The following MEGF10 variants were observed in gnomAD, a reference collection of about 807,000 sequenced individuals.
MEGF10 encodes the protein multiple EGF like domains 10, also known as multiple epidermal growth factor-like domains protein 10.
In MEGF10, 86 loss-of-function variants were observed where a neutral mutation model predicts 147.5. The ratio of observed to expected loss-of-function variants is 0.58; its 90% CI spans 0.49 to 0.70. The LOEUF (loss-of-function observed/expected upper bound fraction) is 0.70, where lower values mean the gene tolerates loss of function less well. Among genes scored for constraint, MEGF10 ranks in the 30% least tolerant of loss-of-function variants. MEGF10 has a pLI of 0.00. For synonymous variants in MEGF10, 478 were observed against 525.5 expected, an observed-to-expected ratio of 0.91 and a Z score of 1.24; for missense variants, 1,329 against 1,487.3, an observed-to-expected ratio of 0.89 and a Z score of 1.75.
chr5:127,256,034 A>G, the MEGF10 span, among the ~76,000 whole-genome samples: 1 of 152,134 alleles, frequency 6.6e-6, no homozygotes, highest in Non-Finnish European at 1.5e-5. Context: ...CCCCAGCTCA[A>G]ACCAACCACT....
chr5:127,379,914 T>G (rs1324123458), intron 5 of MEGF10, among the ~76,000 whole-genome samples: 1 of 152,180 alleles, frequency 6.6e-6, no homozygotes, highest in Non-Finnish European at 1.5e-5. Flanking sequence ...CACGGCTGGC[T>G]TCTGTAGGTC....
chr5:127,369,814 T>A lies in MEGF10; in HGVS notation c.320-96T>A, dbSNP rs568740995. The A allele has an allele frequency of 5.8e-4, 530 of 911,456 alleles. 2 individuals carry two copies. The African/African-American group carries it at 7.8e-3, about 13-fold the overall frequency. The allele number at this position is 911,456 out of a possible 1,614,324, so 56.5% of individuals were successfully genotyped here. ...AATTATCAAGCATGCATGTTGTTTT[T>A]AAGTGATACTTGAGACTTGGATGTG... On this transcript the variant is annotated intron_variant, in intron 4 of 24. Transcript: ENST00000503335.
intron 1 of MEGF10, among the ~76,000 whole-genome samples, chr5:127,298,453 G>A (rs958637921): frequency 2.0e-4 from 31 of 152,200 alleles, no homozygotes; most frequent in Admixed American, 1.4e-3. Context: ...CCATGAGTGA[G>A]GTTAGAAATG....
Position 127,369,823 on chromosome 5 carries a change from C to T in MEGF10, c.320-87C>T, listed in dbSNP as rs1444507867. 3.0e-6 allele frequency: 3 copies of T among 1,015,062 alleles called. No individual in the cohort carries two copies. In the East Asian group the frequency reaches 7.4e-5, roughly 25 times the overall value. The allele number at this position is 1,015,062 out of a possible 1,614,324, so 62.9% of individuals were successfully genotyped here. On this transcript the variant is annotated intron_variant, in intron 4 of 24. Transcript: ENST00000503335. ...GCATGCATGTTGTTTTTAAGTGATA[C>T]TTGAGACTTGGATGTGCAACAGCTG...
At chr5:127,448,407 A>G (rs1397602439) in intron 21 of MEGF10, among the ~76,000 whole-genome samples, 1 of 152,178 alleles carries the variant, frequency 6.6e-6, no homozygotes, top group Non-Finnish European at 1.5e-5. Context: ...TGCTACTCCA[A>G]TAGCACCCAA....
the MEGF10 span, among the ~76,000 whole-genome samples, chr5:127,250,976 C>A: frequency 6.6e-6 from 1 of 151,982 alleles, no homozygotes; most frequent in East Asian, 1.9e-4. Context: ...AGAAAAAAAT[C>A]CAATAATGCA....
chr5:127,439,532 A>T (rs1765680568), intron 17 of MEGF10, among the ~76,000 whole-genome samples: 1 of 152,242 alleles, frequency 6.6e-6, no homozygotes, highest in Non-Finnish European at 1.5e-5. Flanking sequence ...TTGGCAAGGA[A>T]GGTAGCTGGC....
chr5:127,258,733 G>A, the MEGF10 span, among the ~76,000 whole-genome samples: 1 of 152,072 alleles, frequency 6.6e-6, no homozygotes, highest in Non-Finnish European at 1.5e-5. Flanking sequence ...GCTCTCTCTT[G>A]CTCTCTCCTG....
chr5:127,354,307 T>C (rs976351281), intron 4 of MEGF10, among the ~76,000 whole-genome samples: 1 of 152,330 alleles, frequency 6.6e-6, no homozygotes, highest in African/African-American at 2.4e-5. Context: ...GAGGCAGATA[T>C]GCTACACAGG....
chr5:127,457,991 G>A lies in MEGF10; in HGVS notation c.*673G>A, dbSNP rs1364929104. 6.6e-6 allele frequency: 1 copy of A among 152,182 alleles called. No individual in the cohort carries two copies. The highest frequency in any genetic ancestry group is 1.9e-4 in the East Asian group (1 of 5,206). The allele number at this position is 152,182 out of a possible 1,614,324, so 9.4% of individuals were successfully genotyped here. Reference sequence around the variant, plus strand: ...TATTTTAGAAATAGTAGGAAGTATTGCAGAAGTCAATACACAAATGTGCCA... The same window carrying A: ...TATTTTAGAAATAGTAGGAAGTATTACAGAAGTCAATACACAAATGTGCCA... On this transcript the variant is annotated 3_prime_UTR_variant, in exon 25 of 25. Coordinates refer to ENST00000503335, the MANE Select transcript of MEGF10 (RefSeq NM_001256545.2).
At chr5:127,431,340 A>G (rs1765381476) in intron 13 of MEGF10, among the ~76,000 whole-genome samples, 1 of 152,196 alleles carries the variant, frequency 6.6e-6, no homozygotes, top group East Asian at 1.9e-4. Context: ...ATGATATAAA[A>G]AAGCAGCAAA....
intron 4 of MEGF10, among the ~76,000 whole-genome samples, chr5:127,354,189 T>C (rs1037341168): frequency 3.3e-5 from 5 of 152,168 alleles, no homozygotes; most frequent in Non-Finnish European, 5.9e-5. Context: ...AACTTTACTC[T>C]TGTTTGAATG....
intron 1 of MEGF10, among the ~76,000 whole-genome samples, chr5:127,294,147 C>G (rs754614667): frequency 1.3e-5 from 2 of 152,232 alleles, no homozygotes; most frequent in Non-Finnish European, 2.9e-5. Context: ...GACTTTCCCT[C>G]TGAAGTTTTT....
chr5:127,355,164 T>C (rs927192978), intron 4 of MEGF10, among the ~76,000 whole-genome samples: 1 of 152,110 alleles, frequency 6.6e-6, no homozygotes, highest in African/African-American at 2.4e-5. Flanking sequence ...AAAGCTAGGC[T>C]CCTTGGGTGG....
At chr5:127,287,492 T>C (rs1383263335), upstream of MEGF10, among the ~76,000 whole-genome samples, 1 of 151,992 alleles carries the variant, frequency 6.6e-6, no homozygotes, top group African/African-American at 2.4e-5. Flanking sequence ...ATTTATGAAA[T>C]ATTAAAAATA....
At position 127,394,044 on chromosome 5, in the gene MEGF10, G is replaced by A. The variant is rs1479810888; in HGVS notation, c.413-2488G>A. ...GGCCACCCTGACCACAGTGTCACAT[G>A]GGGGAAAATTCTGTAATAACCCACC... On this transcript the variant is annotated intron_variant, in intron 5 of 24. Transcript: ENST00000503335. Among the ~76,000 whole-genome samples the A allele has an allele frequency of 2.0e-5, 3 of 152,182 alleles. No homozygotes were observed. The East Asian group carries it at 5.8e-4, about 29-fold the overall frequency.
chr5:127,270,757 C>T, the MEGF10 span, among the ~76,000 whole-genome samples: 4 of 152,114 alleles, frequency 2.6e-5, no homozygotes, highest in Non-Finnish European at 5.9e-5. Flanking sequence ...TTTGTTTGTT[C>T]CCCTGCCATG....
At chr5:127,346,506 C>G (rs1251955670) in intron 4 of MEGF10, among the ~76,000 whole-genome samples, 1 of 152,028 alleles carries the variant, frequency 6.6e-6, no homozygotes, top group Non-Finnish European at 1.5e-5. Flanking sequence ...TATATATCTT[C>G]TTTTGAGAAT....
chr5:127,358,545 C>A (rs1762359415), intron 4 of MEGF10, among the ~76,000 whole-genome samples: 1 of 152,112 alleles, frequency 6.6e-6, no homozygotes, highest in Non-Finnish European at 1.5e-5. Context: ...AAGAGAAATG[C>A]CATTCTAAAA....
Sources: gnomAD v4.1 joint callset for allele counts (sites outside exome capture counted in the v4.1 genomes callset) on GRCh38, gnomAD v4.1.1 for gene constraint, MANE v1.5 for transcripts, NCBI Gene and HGNC (gene_info 2026-07-23, HGNC 2026-07-21) for gene names.